NBPF14: variants seen among roughly 807,000 people sequenced by gnomAD.
The protein encoded by NBPF14 is NBPF family member NBPF14.
In NBPF14, 104 loss-of-function variants were observed where a neutral mutation model predicts 91.2. The ratio of observed to expected loss-of-function variants is 1.14; its 90% CI spans 0.97 to 1.34. The LOEUF (loss-of-function observed/expected upper bound fraction) is 1.34, where lower values mean the gene tolerates loss of function less well. NBPF14 is among the 40% of genes most tolerant of loss of function. The pLI is 0.00. For missense variants in NBPF14, 908 were observed against 783.0 expected (o/e 1.16, Z -1.91); for synonymous variants, 294 against 303.8 (o/e 0.97, Z 0.34).
chr1:148,576,149 T>C (rs1659678670), intron 16 of NBPF14, among the ~76,000 whole-genome samples: 1 of 96,582 alleles, frequency 1.0e-5, no homozygotes, highest in Non-Finnish European at 1.8e-5. Context: ...GGCTCAATAA[T>C]TTTCCGTAAA....
Position 148,577,375 on chromosome 1 carries a change from T to C in NBPF14, c.1854-20A>G. 1 of 625,362 alleles carries C rather than the reference T, an allele frequency of 1.6e-6. No individual in the cohort carries two copies. The highest frequency in any genetic ancestry group is 2.9e-6 in the Non-Finnish European group (1 of 349,154). The allele number at this position is 625,362 out of a possible 1,614,324, so 38.7% of individuals were successfully genotyped here. On this transcript the variant is annotated intron_variant, in intron 14 of 70. Transcript: ENST00000619423. ...CTGAGCCTGGAAAAGTGGGAAAAAG[T>C]AAAGAATAAGCCAGGGGGAATCAGA...
chr1:148,576,091 A>T (rs1570984097), intron 16 of NBPF14, among the ~76,000 whole-genome samples: 1 of 141,892 alleles, frequency 7.0e-6, no homozygotes, highest in Admixed American at 6.9e-5. Context: ...GGACACTCTG[A>T]GTTAGTGCCC....
At chr1:148,538,259 G>A (rs1655365607) in intron 64 of NBPF14, among the ~76,000 whole-genome samples, 1 of 69,868 alleles carries the variant, frequency 1.4e-5, no homozygotes, top group Non-Finnish European at 2.8e-5. Flanking sequence ...GAGAGAGAGA[G>A]AACGAGCTCA....
At chr1:148,577,038 A>G in intron 15 of NBPF14, 145 bp downstream of exon 15, 2 of 638,078 alleles carry the variant, frequency 3.1e-6, no homozygotes, top group South Asian at 1.8e-5. Context: ...AAGTGGAACT[A>G]GAGTTTCATT....
At chr1:148,593,321 G>A (rs1197546198) in intron 3 of NBPF14, among the ~76,000 whole-genome samples, 8 of 148,570 alleles carry the variant, frequency 5.4e-5, no homozygotes, top group Non-Finnish European at 7.6e-5. Context: ...GAATGCTGCT[G>A]GGTGGTTCCC....
chr1:148,534,508 A>G lies in NBPF14; in HGVS notation c.8614+176T>C, dbSNP rs1411657585. ...GGAAGAGAGTCTTGCTCACTGACCC[A>G]TTTCATGTCTAGGCTTCCAGCTGAG... is the stretch of plus-strand genomic sequence containing the variant. On this transcript the variant is annotated intron_variant, in intron 69 of 70. Coordinates refer to ENST00000619423, the Ensembl canonical transcript of NBPF14. 4.6e-5 allele frequency among the ~76,000 whole-genome samples: 7 copies of G among 151,706 alleles called. 1 individual carries two copies. Among genetic ancestry groups the G allele is most frequent in the African/African-American group, 1.7e-4 (7 of 41,176 alleles).
chr1:148,584,950 G>A (rs1387652072), intron 10 of NBPF14, among the ~76,000 whole-genome samples, 191 bp downstream of exon 10: 1 of 147,798 alleles, frequency 6.8e-6, no homozygotes, highest in African/African-American at 2.5e-5. Context: ...GTACGGTGCA[G>A]ACATGACACT....
At chr1:148,587,201 TC>T in intron 8 of NBPF14, 99 bp downstream of exon 8, 3 of 1,026,672 alleles carry the variant, frequency 2.9e-6, no homozygotes, top group Non-Finnish European at 3.0e-6. Flanking sequence ...TTCCTGCCCT[TC>T]CCCTGGCCCA....
chr1:148,576,100 C>T (rs1464436152), intron 16 of NBPF14, among the ~76,000 whole-genome samples: 1 of 136,666 alleles, frequency 7.3e-6, no homozygotes, highest in Non-Finnish European at 1.6e-5. Context: ...GAGTTAGTGC[C>T]CTCGGGACAC....
intron 7 of NBPF14, 43 bp from the exon 8 acceptor site, chr1:148,587,446 A>C (rs1292583895): frequency 1.0e-5 from 16 of 1,541,066 alleles, no homozygotes; most frequent in Non-Finnish European, 1.4e-5. Flanking sequence ...AAGGCTGGAC[A>C]TGCTGCTGTG....
chr1:148,595,257 C>T (rs1469145758), intron 2 of NBPF14, among the ~76,000 whole-genome samples: 7 of 147,986 alleles, frequency 4.7e-5, no homozygotes, highest in South Asian at 4.4e-4. Flanking sequence ...CTTGAAAACA[C>T]GATTGAGCCC....
intron 2 of NBPF14, among the ~76,000 whole-genome samples, chr1:148,593,942 A>G (rs1662902909): frequency 6.7e-6 from 1 of 149,908 alleles, no homozygotes; most frequent in Non-Finnish European, 1.5e-5. Flanking sequence ...AAGATGATTC[A>G]ACCACAACGA....
intron 29 of NBPF14, 32 bp downstream of exon 29, chr1:148,566,111 G>T (rs1658216120): frequency 6.6e-6 from 3 of 456,464 alleles, no homozygotes; most frequent in Non-Finnish European, 1.1e-5. Flanking sequence ...AGACTCAGTG[G>T]ATCCTTATCA....
At chr1:148,542,923 G>GAC (rs1321026528) in intron 58 of NBPF14, among the ~76,000 whole-genome samples, 197 bp from the exon 59 acceptor site, 1 of 17,950 alleles carries the variant, frequency 5.6e-5, no homozygotes, top group Non-Finnish European at 1.2e-4. Flanking sequence ...AAGACAGATA[G>GAC]ACACACACAC....
At chr1:148,533,862 T>A (rs1355126180) in exon 70 of NBPF14, 4 of 764,336 alleles carry the variant, frequency 5.2e-6, no homozygotes, top group African/African-American at 1.7e-5. Context: ...GAAAGTCACC[T>A]GGGGCATGGT....
At chr1:148,534,038 T>A (rs1325265371) in intron 69 of NBPF14, 69 bp from the exon 70 acceptor site, 19 of 638,180 alleles carry the variant, frequency 3.0e-5, no homozygotes, top group Non-Finnish European at 8.4e-6. Context: ...ATCCACTGTC[T>A]AATCCTCACA....
In NBPF14 at chr1:148,559,885, C is replaced by A. The variant is rs1463068517; in HGVS notation, c.4637G>T (p.Gly1546Val). The change falls in exon 37 of 71, where the codon GGT (glycine) becomes GTT (valine). Residue 1546 changes from glycine (G) to valine (V), a missense_variant. This residue lies in a region of NBPF14 where 447 missense variants were observed against 189.1 expected (regional missense o/e 2.36). Transcript: ENST00000619423. ...GCATGAGTCAGTCAGTTCAAGACAACCTGAAGGAGTTGAATAACATCTATC... is the reference window on the plus strand; with the variant it reads ...GCATGAGTCAGTCAGTTCAAGACAAACTGAAGGAGTTGAATAACATCTATC... 2.2e-6 allele frequency: 3 copies of A among 1,343,960 alleles called. 1 individual carries two copies. Among genetic ancestry groups the A allele is most frequent in the South Asian group, 2.6e-5 (2 of 78,034 alleles). The allele number at this position is 1,343,960 out of a possible 1,614,324, so 83.3% of individuals were successfully genotyped here.
chr1:148,560,243 G>T (rs1657572393), intron 36 of NBPF14, among the ~76,000 whole-genome samples: 1 of 149,876 alleles, frequency 6.7e-6, no homozygotes, highest in Non-Finnish European at 1.5e-5. Context: ...TGGTAAGGGA[G>T]TCAAAGGACA....
chr1:148,534,579 C>A (rs1167097729), intron 69 of NBPF14, 105 bp downstream of exon 69: 7 of 816,864 alleles, frequency 8.6e-6, no homozygotes, highest in African/African-American at 3.4e-5. Flanking sequence ...GTCCTGCCTG[C>A]GGCAATGACA....
Sources: gnomAD v4.1 joint callset for allele counts (sites outside exome capture counted in the v4.1 genomes callset) on GRCh38, gnomAD v4.1.1 for gene constraint, gnomAD v4.1.1 regional missense constraint, MANE v1.5 for transcripts, NCBI Gene and HGNC (gene_info 2026-07-23, HGNC 2026-07-21) for gene names.